GOLM2: variants seen among roughly 807,000 people sequenced by gnomAD.
GOLM2 encodes golgi membrane protein 2.
In GOLM2, 26 loss-of-function variants were observed where a neutral mutation model predicts 55.9. The ratio of observed to expected loss-of-function variants is 0.47; its 90% confidence interval spans 0.34 to 0.65. The LOEUF (loss-of-function observed/expected upper bound fraction) is 0.65. Among genes scored for constraint, GOLM2 ranks in the 30% least tolerant of loss-of-function variants. The probability of loss-of-function intolerance (pLI) is 0.01; values close to 1 mark genes in which losing one functional copy is unlikely to be tolerated. For synonymous variants in GOLM2, 165 were observed against 194.6 expected (o/e 0.85, Z 1.27); for missense variants, 486 against 531.8 (o/e 0.91, Z 0.85).
intron 6 of GOLM2, among the ~76,000 whole-genome samples, chr15:44,377,481 G>T (rs1054418415): frequency 1.3e-5 from 2 of 152,072 alleles, no homozygotes; most frequent in Non-Finnish European, 2.9e-5. Flanking sequence ...AGCAATTCTG[G>T]TGCCTCAGGC....
chr15:44,289,419 G>A lies in GOLM2; in HGVS notation c.327+63G>A. ...CTTTTCTCCCCGGGGTCTGGGGCGGGATGTTAATCCGCTAGCTGTTGTCTT... is the reference window on the plus strand; with the variant it reads ...CTTTTCTCCCCGGGGTCTGGGGCGGAATGTTAATCCGCTAGCTGTTGTCTT... On this transcript the variant is annotated intron_variant, in intron 1 of 9. Transcript: ENST00000299957. The surrounding 1 kb of genome is among the most constrained non-coding windows in gnomAD (Gnocchi z 4.8). 2 of 1,421,036 alleles carry A rather than the reference G, an allele frequency of 1.4e-6. No homozygotes were observed. Among genetic ancestry groups the A allele is most frequent in the East Asian group, 2.4e-5 (1 of 40,916 alleles). 88.0% of individuals were successfully genotyped at this position (1,421,036 alleles called of 1,614,324 possible). A position where few individuals can be genotyped will look rare whatever the true frequency, so the allele number is the denominator to read the frequency against.
chr15:44,352,448 A>G (rs1448074782), intron 6 of GOLM2, among the ~76,000 whole-genome samples: 2 of 152,110 alleles, frequency 1.3e-5, no homozygotes, highest in East Asian at 3.8e-4. Context: ...CAAATCTAAG[A>G]CCTGAACTAT....
At chr15:44,352,735 G>A (rs550779734) in intron 6 of GOLM2, among the ~76,000 whole-genome samples, 18 of 151,998 alleles carry the variant, frequency 1.2e-4, no homozygotes, top group African/African-American at 4.1e-4. Context: ...GTGAAACCCC[G>A]TCTCTACTAA....
chr15:44,385,071 T>A (rs1352620148), intron 8 of GOLM2, among the ~76,000 whole-genome samples: 2 of 152,218 alleles, frequency 1.3e-5, no homozygotes, highest in African/African-American at 2.4e-5. Flanking sequence ...TACATTTTGT[T>A]TATTCATCTG....
chr15:44,338,411 A>G, intron 6 of GOLM2, 94 bp downstream of exon 6: 3 of 883,592 alleles, frequency 3.4e-6, no homozygotes, highest in Admixed American at 2.4e-5. Flanking sequence ...GAAAAGTCAC[A>G]GATATCTGGA....
At chr15:44,311,965 C>T (rs1371879238) in intron 1 of GOLM2, among the ~76,000 whole-genome samples, 1 of 152,148 alleles carries the variant, frequency 6.6e-6, no homozygotes, top group African/African-American at 2.4e-5. Context: ...CATAGGATTT[C>T]AAATCCTTGA....
intron 6 of GOLM2, 76 bp from the exon 7 acceptor site, chr15:44,379,614 G>C: frequency 2.7e-6 from 2 of 744,680 alleles, no homozygotes; most frequent in South Asian, 3.2e-5. Flanking sequence ...ATTGATTCAC[G>C]GTGGTTTTTT....
intron 6 of GOLM2, among the ~76,000 whole-genome samples, chr15:44,343,641 C>T (rs2079103182): frequency 2.0e-5 from 3 of 151,586 alleles, no homozygotes; most frequent in African/African-American, 7.3e-5. Context: ...GCCTGGCCAA[C>T]ATGGTGAAAC....
In GOLM2 at chr15:44,289,134, C is replaced by G. The variant is rs917188968; in HGVS notation, c.105C>G (p.Ile35Met). The change falls in exon 1 of 10, where the codon ATC (isoleucine) becomes ATG (methionine). Residue 35 changes from isoleucine to methionine, a missense_variant. By Grantham distance (10) the Ile-to-Met change is conservative. Transcript: ENST00000299957. The surrounding 1 kb of genome is among the most constrained non-coding windows in gnomAD (Gnocchi z 4.8). ...TCCTCGCCTTCAACTACTGGAGCATCTCCTCCCGCCACGTCCTGCTTCAGG... is the reference window on the plus strand; with the variant it reads ...TCCTCGCCTTCAACTACTGGAGCATGTCCTCCCGCCACGTCCTGCTTCAGG... ...IVVLAFNYWS[I>M]SSRHVLLQEE... is the part of the protein sequence containing the mutation. 2 of 1,614,190 alleles carry G rather than the reference C, an allele frequency of 1.2e-6. No individual in the cohort carries two copies. The highest frequency in any genetic ancestry group is 1.7e-6 in the Non-Finnish European group (2 of 1,180,028).
At chr15:44,301,905 C>CCT (rs1393766008) in intron 1 of GOLM2, among the ~76,000 whole-genome samples, 1 of 149,116 alleles carries the variant, frequency 6.7e-6, no homozygotes, top group Non-Finnish European at 1.5e-5. Context: ...AGAGGGAGAC[C>CCT]CTCTCTCAAA....
intron 8 of GOLM2, among the ~76,000 whole-genome samples, chr15:44,383,409 A>ACTCC (rs2079418132): frequency 1.3e-5 from 2 of 151,986 alleles, no homozygotes; most frequent in Admixed American, 1.3e-4. Context: ...AACAGTTTTA[A>ACTCC]AGTGTCACTG....
intron 8 of GOLM2, among the ~76,000 whole-genome samples, chr15:44,387,809 T>A (rs569376977): frequency 1.3e-5 from 2 of 152,006 alleles, no homozygotes; most frequent in African/African-American, 4.8e-5. Context: ...TGTGTTGATC[T>A]TGTATCATGC....
At chr15:44,383,503 T>C (rs1046850642) in intron 8 of GOLM2, among the ~76,000 whole-genome samples, 1 of 152,066 alleles carries the variant, frequency 6.6e-6, no homozygotes, top group Admixed American at 6.5e-5. Flanking sequence ...ATATAACGTT[T>C]CCTTAAAAAT....
intron 9 of GOLM2, among the ~76,000 whole-genome samples, chr15:44,410,516 T>C (rs1357172447): frequency 6.6e-6 from 1 of 152,152 alleles, no homozygotes; most frequent in Non-Finnish European, 1.5e-5. Context: ...GAAATGGATA[T>C]AATTTCAGGC....
chr15:44,368,335 A>G (rs1043588664), intron 6 of GOLM2, among the ~76,000 whole-genome samples: 1 of 104,900 alleles, frequency 9.5e-6, no homozygotes, highest in African/African-American at 3.8e-5. Flanking sequence ...TACTTTTATT[A>G]GAGACGGGGT....
At position 44,383,675 on chromosome 15, in the gene GOLM2, C is replaced by CTT. The variant is rs761209421; in HGVS notation, c.1072+2716_1072+2717dup. On this transcript the variant is annotated intron_variant, in intron 8 of 9. Coordinates refer to ENST00000299957, the MANE Select transcript of GOLM2 (RefSeq NM_138423.4). ...TCAACTCTTTTCTTTTTCTTTTTTT[C>CTT]TTTTTTTTTTTTTTTTTTGAGACAA... 1.2e-3 allele frequency among the ~76,000 whole-genome samples: 157 copies of CTT among 125,882 alleles called. 3 individuals carry two copies. The highest frequency in any genetic ancestry group is 3.7e-3 in the African/African-American group (122 of 33,188). 82.6% of individuals were successfully genotyped at this position (125,882 alleles called of 152,430 possible). A position where few individuals can be genotyped will look rare whatever the true frequency, so the allele number is the denominator to read the frequency against.
intron 1 of GOLM2, among the ~76,000 whole-genome samples, chr15:44,293,227 A>G (rs931329558): frequency 1.1e-4 from 16 of 152,246 alleles, no homozygotes; most frequent in African/African-American, 3.9e-4. Flanking sequence ...TGGCCACTTA[A>G]CAGTTTTAGA....
rs1276605712 is a variant in GOLM2, at chr15:44,289,383, C to A, written c.327+27C>A. On this transcript the variant is annotated intron_variant, in intron 1 of 9. Transcript: ENST00000299957. This position sits in a 1 kb window ranked among gnomAD's most constrained non-coding sequence, Gnocchi z 4.8. ...TAAGGACGACCCTTTTCTCTTCAAACCCCATGGTTTCTTTTCTCCCCGGGG... is the reference window on the plus strand; with the variant it reads ...TAAGGACGACCCTTTTCTCTTCAAAACCCATGGTTTCTTTTCTCCCCGGGG... The A allele has an allele frequency of 6.4e-7, 1 of 1,574,772 alleles. No homozygotes were observed. The highest frequency in any genetic ancestry group is 1.4e-5 in the African/African-American group (1 of 73,846).
At chr15:44,338,080 A>C (rs2079069346) in intron 5 of GOLM2, among the ~76,000 whole-genome samples, 157 bp from the exon 6 acceptor site, 1 of 152,232 alleles carries the variant, frequency 6.6e-6, no homozygotes, top group Admixed American at 6.5e-5. Context: ...AAAAAGAGTA[A>C]GTTATTTTAG....
Sources: allele counts gnomAD v4.1 joint callset (sites outside exome capture counted in the v4.1 genomes callset), GRCh38; gene constraint gnomAD v4.1.1; non-coding constraint Gnocchi (gnomAD v3.1); transcripts MANE v1.5; gene names NCBI Gene and HGNC (gene_info 2026-07-23, HGNC 2026-07-21).